Variants in PAPPA observed in about 807,000 individuals in gnomAD.
The protein encoded by PAPPA is pappalysin 1.
Under a neutral mutation model 164.0 loss-of-function variants are expected in PAPPA, and 60 were observed. The ratio of observed to expected loss-of-function variants is 0.37; its 90% CI spans 0.30 to 0.45. The LOEUF (loss-of-function observed/expected upper bound fraction) is 0.45. Among genes scored for constraint, PAPPA ranks in the 20% least tolerant of loss-of-function variants. PAPPA has a pLI of 1.00. For synonymous variants in PAPPA, 875 were observed against 814.1 expected (o/e 1.07, Z -1.27); for missense variants, 1,782 against 2,087.3 (o/e 0.85, Z 2.85).
At chr9:116,285,255 C>T (rs112733673) in intron 9 of PAPPA, among the ~76,000 whole-genome samples, 3 of 144,422 alleles carry the variant, frequency 2.1e-5, no homozygotes, top group African/African-American at 7.8e-5. Flanking sequence ...CTGCAACCTC[C>T]ACCTCCTGGG....
In PAPPA at chr9:116,366,060, A is replaced by G. The variant is rs147348864; in HGVS notation, c.4496-1585A>G. 9.3e-3 allele frequency among the ~76,000 whole-genome samples: 1,409 copies of G among 152,288 alleles called. 13 individuals are homozygous for G. The highest frequency in any genetic ancestry group is 0.029 in the South Asian group (139 of 4,814). ...TGGAAGGGGGGACTTTAAAATAGCTAATAGAATAGGATATTTAAAGAAAAG... is the reference window on the plus strand; with the variant it reads ...TGGAAGGGGGGACTTTAAAATAGCTGATAGAATAGGATATTTAAAGAAAAG... On this transcript the variant is annotated intron_variant, in intron 18 of 21. Transcript: ENST00000328252.
chr9:116,196,713 C>T (rs1001953163), intron 2 of PAPPA, among the ~76,000 whole-genome samples: 1 of 152,152 alleles, frequency 6.6e-6, no homozygotes, highest in Non-Finnish European at 1.5e-5. Context: ...CGTGTTTTCC[C>T]ATTTTTCAGA....
At chr9:116,332,801 C>G (rs1846011591) in intron 12 of PAPPA, 1 of 201,264 alleles carries the variant, frequency 5.0e-6, no homozygotes, top group South Asian at 1.4e-4. Flanking sequence ...ATGTCACCAT[C>G]TGAGACCCAA....
At chr9:116,343,726 T>C (rs920262905) in intron 13 of PAPPA, among the ~76,000 whole-genome samples, 1 of 149,454 alleles carries the variant, frequency 6.7e-6, no homozygotes, top group African/African-American at 2.5e-5. Flanking sequence ...ATTTACAACA[T>C]CAGCTACCAC....
At chr9:116,158,166 A>G (rs1457749552) in intron 1 of PAPPA, among the ~76,000 whole-genome samples, 1 of 152,000 alleles carries the variant, frequency 6.6e-6, no homozygotes, top group East Asian at 1.9e-4. Context: ...TTTTGTTCTA[A>G]TGGTTGGACT....
At chr9:116,257,574 C>T (rs1379634407) in intron 7 of PAPPA, among the ~76,000 whole-genome samples, 3 of 151,742 alleles carry the variant, frequency 2.0e-5, no homozygotes, top group Non-Finnish European at 4.4e-5. Context: ...TGGTGGCGGG[C>T]GCCTGTAGTC....
intron 17 of PAPPA, among the ~76,000 whole-genome samples, chr9:116,361,232 G>A (rs925731853): frequency 1.3e-5 from 2 of 152,194 alleles, no homozygotes; most frequent in African/African-American, 2.4e-5. Flanking sequence ...GTGGAGCACA[G>A]CCAGCTCCTC....
chr9:116,162,415 G>A (rs946172579), intron 1 of PAPPA, among the ~76,000 whole-genome samples: 1 of 152,136 alleles, frequency 6.6e-6, no homozygotes, highest in Non-Finnish European at 1.5e-5. Context: ...ACTACCTGGA[G>A]AGCAATTCTA....
chr9:116,390,748 G>T (rs1846880560), intron 21 of PAPPA, among the ~76,000 whole-genome samples: 1 of 152,024 alleles, frequency 6.6e-6, no homozygotes, highest in Non-Finnish European at 1.5e-5. Flanking sequence ...GGATGAAGTA[G>T]GCACTCATTT....
intron 9 of PAPPA, among the ~76,000 whole-genome samples, chr9:116,274,567 A>T (rs187359369): frequency 2.0e-5 from 3 of 152,336 alleles, no homozygotes; most frequent in Admixed American, 6.5e-5. Flanking sequence ...AACAGTCAGG[A>T]GATCAGGCAT....
At chr9:116,336,858 A>C (rs1359405345) in intron 13 of PAPPA, among the ~76,000 whole-genome samples, 1 of 152,152 alleles carries the variant, frequency 6.6e-6, no homozygotes. Flanking sequence ...TTCAGTTCTA[A>C]ATCTGTGTTT....
chr9:116,257,642 C>G (rs967691649), intron 7 of PAPPA, among the ~76,000 whole-genome samples: 7 of 152,112 alleles, frequency 4.6e-5, no homozygotes, highest in Admixed American at 2.0e-4. Context: ...GCGGAGCTTG[C>G]AGTGAGCCGA....
intron 7 of PAPPA, among the ~76,000 whole-genome samples, chr9:116,257,659 G>A (rs761576557): frequency 4.6e-5 from 7 of 151,944 alleles, no homozygotes; most frequent in Non-Finnish European, 7.4e-5. Flanking sequence ...CCGAGATCGC[G>A]CCACTGCACT....
intron 1 of PAPPA, among the ~76,000 whole-genome samples, chr9:116,168,453 G>T (rs1316075962): frequency 6.6e-6 from 1 of 152,082 alleles, no homozygotes; most frequent in African/African-American, 2.4e-5. Flanking sequence ...AGAGTCCTGG[G>T]GAAGCACAGA....
rs1847023212 is a variant in PAPPA at position 116,399,835 on chromosome 9, C to T, written c.*3219C>T. Reference sequence around the variant, plus strand: ...TGAAAATGCAGGGTATCAGCTGCCACTCCTGGCTTCAACACATTGAGTCAC... The same window carrying T: ...TGAAAATGCAGGGTATCAGCTGCCATTCCTGGCTTCAACACATTGAGTCAC... On this transcript the variant is annotated 3_prime_UTR_variant, in exon 22 of 22. Transcript: ENST00000328252. 6.6e-6 allele frequency: 1 copy of T among 152,614 alleles called. No homozygotes were observed. Among genetic ancestry groups the T allele is most frequent in the Non-Finnish European group, 1.5e-5 (1 of 68,054 alleles). 9.5% of individuals were successfully genotyped at this position (152,614 alleles called of 1,614,324 possible).
chr9:116,279,954 T>C (rs1845247292), intron 9 of PAPPA, among the ~76,000 whole-genome samples: 1 of 152,178 alleles, frequency 6.6e-6, no homozygotes. Context: ...GTGAGGGATA[T>C]AGACCTAATT....
chr9:116,274,451 C>T (rs1447772023), intron 9 of PAPPA, among the ~76,000 whole-genome samples: 2 of 152,210 alleles, frequency 1.3e-5, no homozygotes, highest in African/African-American at 4.8e-5. Context: ...TCTTTACTCC[C>T]AGCAGACCAA....
chr9:116,340,000 G>C (rs935339452), intron 13 of PAPPA, among the ~76,000 whole-genome samples: 2 of 152,172 alleles, frequency 1.3e-5, no homozygotes, highest in Admixed American at 6.5e-5. Flanking sequence ...TTAAGTATCT[G>C]ATCAGCTCTG....
intron 18 of PAPPA, among the ~76,000 whole-genome samples, chr9:116,365,606 G>A (rs12002699): frequency 5.8e-4 from 73 of 125,538 alleles, no homozygotes; most frequent in Non-Finnish European, 1.1e-3. Flanking sequence ...ATTTCTCAGA[G>A]GCTGCATTTT....
Sources: gnomAD v4.1 joint callset for allele counts (sites outside exome capture counted in the v4.1 genomes callset) on GRCh38, gnomAD v4.1.1 for gene constraint, MANE v1.5 for transcripts, NCBI Gene and HGNC (gene_info 2026-07-23, HGNC 2026-07-21) for gene names.